The following DLAT variants were observed in gnomAD, a reference collection of about 807,000 sequenced individuals.
DLAT encodes dihydrolipoyllysine-residue acetyltransferase component of pyruvate dehydrogenase complex, mitochondrial.
In DLAT, 43 loss-of-function variants were observed where a neutral mutation model predicts 68.0. That is an observed-to-expected ratio of 0.63 (90% CI 0.50 to 0.81). The LOEUF is 0.81. Ranked by LOEUF, DLAT falls within the 40% of genes least tolerant of loss-of-function variation. The pLI is 0.00. For missense variants in DLAT, 745 were observed against 815.4 expected, an observed-to-expected ratio of 0.91 and a Z score of 1.05; for synonymous variants, 265 against 288.6, an observed-to-expected ratio of 0.92 and a Z score of 0.83.
chr11:112,052,147 A>C (rs1229210218), intron 11 of DLAT, among the ~76,000 whole-genome samples: 1 of 152,188 alleles, frequency 6.6e-6, no homozygotes, highest in Non-Finnish European at 1.5e-5. Flanking sequence ...AAGGAAAAAA[A>C]CAAACTTTTT....
At chr11:112,059,689 G>C (rs536625) in intron 11 of DLAT, among the ~76,000 whole-genome samples, 1 of 151,982 alleles carries the variant, frequency 6.6e-6, no homozygotes, top group Non-Finnish European at 1.5e-5. Flanking sequence ...CACCGTTCCC[G>C]GACCTCTCTT....
chr11:112,060,852 G>T (rs1015255249), intron 12 of DLAT, among the ~76,000 whole-genome samples, 186 bp from the exon 13 acceptor site: 7 of 152,110 alleles, frequency 4.6e-5, no homozygotes, highest in Admixed American at 3.3e-4. Context: ...TTGAAAATAA[G>T]ACATTTTCCG....
At chr11:112,045,601 T>C (rs1863271980) in intron 9 of DLAT, among the ~76,000 whole-genome samples, 1 of 151,884 alleles carries the variant, frequency 6.6e-6, no homozygotes, top group Non-Finnish European at 1.5e-5. Context: ...GGCAGGAGAA[T>C]TGCTTGAACT....
intron 4 of DLAT, chr11:112,030,392 G>A (rs199513670): frequency 2.0e-5 from 5 of 253,788 alleles, no homozygotes; most frequent in Non-Finnish European, 2.8e-5. Context: ...AACGGAAGTC[G>A]GGGGATCATA....
At chr11:112,060,329 T>G (rs1864498796) in intron 12 of DLAT, among the ~76,000 whole-genome samples, 1 of 151,868 alleles carries the variant, frequency 6.6e-6, no homozygotes, top group South Asian at 2.1e-4. Flanking sequence ...CCCGGCTAGT[T>G]TTTTGTATTT....
rs367875541 is a variant in DLAT, at chr11:112,039,243, G to A, written c.976-1G>A. The A allele has an allele frequency of 8.7e-6, 14 of 1,613,426 alleles. No individual in the cohort carries two copies. Among genetic ancestry groups the A allele is most frequent in the Non-Finnish European group, 1.2e-5 (14 of 1,179,794 alleles). Reference sequence around the variant, plus strand: ...AACAATTTGTAATTTTTTTTCAAAAGGTGGCCGCTGTTCCTCCAACTCCCC... The same window carrying A: ...AACAATTTGTAATTTTTTTTCAAAAAGTGGCCGCTGTTCCTCCAACTCCCC... On this transcript the variant is annotated splice_acceptor_variant, in intron 6 of 13. Transcript: ENST00000280346. LOFTEE classifies it high-confidence loss of function.
chr11:112,055,703 G>A (rs192120863), intron 11 of DLAT, among the ~76,000 whole-genome samples: 20 of 151,526 alleles, frequency 1.3e-4, no homozygotes, highest in African/African-American at 4.6e-4. Flanking sequence ...CCGTGCTATG[G>A]CCACCGTGAT....
chr11:112,037,459 C>A lies in DLAT; in HGVS notation c.974C>A (p.Pro325Gln). ...KPQVPPPTPPPVAAVPPTPQP... is the reference protein window; with the variant it reads ...KPQVPPPTPPQVAAVPPTPQP... ...CAAGTGCCACCACCTACCCCACCCC[C>A]GGTAGGTATGCTTCTAGAATTCAGG... is the stretch of plus-strand genomic sequence containing the variant. The change falls in exon 6 of 14, where the codon CCG becomes CAG. Residue 325 changes from proline (P) to glutamine (Q), a missense_variant and splice_region_variant. Coordinates refer to ENST00000280346, the MANE Select transcript of DLAT (RefSeq NM_001931.5). 6.2e-7 allele frequency: 1 copy of A among 1,613,812 alleles called. No homozygotes were observed. The highest frequency in any genetic ancestry group is 8.5e-7 in the Non-Finnish European group (1 of 1,179,690).
chr11:112,057,409 C>CT (rs1555182704), intron 11 of DLAT, among the ~76,000 whole-genome samples: 1 of 152,228 alleles, frequency 6.6e-6, no homozygotes, highest in African/African-American at 2.4e-5. Flanking sequence ...CGGTTGAAAG[C>CT]TAGGCCTCTT....
At position 112,064,388 on chromosome 11, in the gene DLAT, C is replaced by A. The variant is rs1252146504; in HGVS notation, c.*1853C>A. On this transcript the variant is annotated 3_prime_UTR_variant, in exon 14 of 14. Transcript: ENST00000280346. ...ATTTAAAAATTAAAGTATAAATCTT[C>A]AATATGTCTGGTTTAATTTTTGGTC... is the stretch of plus-strand genomic sequence containing the variant. The A allele has an allele frequency of 1.7e-6, 1 of 574,418 alleles. No homozygotes were observed. The highest frequency in any genetic ancestry group is 2.9e-5 in the South Asian group (1 of 34,726). The allele number at this position is 574,418 out of a possible 1,614,324, so 35.6% of individuals were successfully genotyped here.
chr11:112,039,171 A>G, intron 6 of DLAT, 73 bp from the exon 7 acceptor site: 2 of 1,404,128 alleles, frequency 1.4e-6, no homozygotes, highest in South Asian at 1.3e-5. Context: ...TATTAATAAG[A>G]TGTAAACTTT....
At chr11:112,041,697 C>T (rs905285927) in intron 7 of DLAT, among the ~76,000 whole-genome samples, 5 of 152,126 alleles carry the variant, frequency 3.3e-5, no homozygotes, top group South Asian at 4.2e-4. Context: ...CTGGCTAACA[C>T]GGTGAAACCT....
chr11:112,032,072 G>C (rs1361007090), intron 4 of DLAT, among the ~76,000 whole-genome samples: 1 of 150,544 alleles, frequency 6.6e-6, no homozygotes, highest in African/African-American at 2.4e-5. Context: ...GCAGAGGAGG[G>C]GGTTTCGACA....
At chr11:112,030,401 T>G in intron 4 of DLAT, 1 of 412,120 alleles carries the variant, frequency 2.4e-6, no homozygotes, top group South Asian at 2.0e-5. Flanking sequence ...CGGGGGATCA[T>G]ATTTCAGCAT....
chr11:112,058,538 C>T (rs112523030), intron 11 of DLAT, among the ~76,000 whole-genome samples: 31 of 141,542 alleles, frequency 2.2e-4, no homozygotes, highest in Non-Finnish European at 4.2e-4. Context: ...CTAGCAGGGG[C>T]CCTTAGGCAG....
intron 8 of DLAT, 132 bp downstream of exon 8, chr11:112,043,665 A>G: frequency 1.1e-6 from 1 of 912,972 alleles, no homozygotes; most frequent in Non-Finnish European, 1.8e-6. Flanking sequence ...TTAATAATAC[A>G]GTCATCCCTC....
intron 11 of DLAT, among the ~76,000 whole-genome samples, chr11:112,053,514 G>A (rs891984291): frequency 1.3e-5 from 2 of 151,852 alleles, no homozygotes; most frequent in African/African-American, 4.8e-5. Context: ...GTGCAGTGGC[G>A]TGATCTTGGC....
chr11:112,052,291 A>C (rs190083776), intron 11 of DLAT, among the ~76,000 whole-genome samples: 2 of 152,108 alleles, frequency 1.3e-5, no homozygotes, highest in South Asian at 4.1e-4. Flanking sequence ...ATTCAATTCA[A>C]TTCAATTCTG....
At chr11:112,049,569 T>C in intron 10 of DLAT, among the ~76,000 whole-genome samples, 1 of 151,878 alleles carries the variant, frequency 6.6e-6, no homozygotes, top group Admixed American at 6.6e-5. Context: ...AAAGGTATGA[T>C]TGATTTTTTT....
Sources: gnomAD v4.1 joint callset for allele counts (sites outside exome capture counted in the v4.1 genomes callset) on GRCh38, gnomAD v4.1.1 for gene constraint, MANE v1.5 for transcripts, NCBI Gene and HGNC (gene_info 2026-07-23, HGNC 2026-07-21) for gene names.